CELF2: variants seen among roughly 807,000 people sequenced by gnomAD.
CELF2 encodes CUGBP Elav-like family member 2, also known as CUG triplet repeat RNA-binding protein 2.
CELF2 carries 8 observed loss-of-function variants against 62.6 expected under a neutral mutation model. That is an observed-to-expected ratio of 0.13 (90% CI 0.07 to 0.23). The LOEUF (loss-of-function observed/expected upper bound fraction) is 0.23, where lower values mean the gene tolerates loss of function less well. CELF2 is among the 10% of genes least tolerant of loss of function. The pLI, the probability that CELF2 is intolerant of heterozygous loss-of-function variation, is 1.00. For missense variants in CELF2, 333 were observed against 671.0 expected, an observed-to-expected ratio of 0.50 and a Z score of 5.56; for synonymous variants, 258 against 250.0, an observed-to-expected ratio of 1.03 and a Z score of -0.30.
At chr10:10,719,597 T>C in the CELF2 span, among the ~76,000 whole-genome samples, 72 of 152,174 alleles carry the variant, frequency 4.7e-4, no homozygotes, top group South Asian at 4.1e-4. Flanking sequence ...TGTTGCATGA[T>C]AGCCTAGCCA....
intron 1 of CELF2, among the ~76,000 whole-genome samples, chr10:11,035,860 T>G (rs2060862888): frequency 6.6e-6 from 1 of 152,228 alleles, no homozygotes; most frequent in Non-Finnish European, 1.5e-5. Flanking sequence ...AGAGGCAGGC[T>G]AAAGACTGCT....
At chr10:10,970,453 C>T (rs892541731) in intron 2 of CELF2, among the ~76,000 whole-genome samples, 3 of 152,168 alleles carry the variant, frequency 2.0e-5, no homozygotes, top group Non-Finnish European at 2.9e-5. Context: ...GTTGATGCAG[C>T]CTGCTTAGAA....
intron 2 of CELF2, chr10:11,169,110 T>C (rs1421435926): frequency 6.6e-6 from 1 of 152,210 alleles, no homozygotes; most frequent in African/African-American, 2.4e-5. Context: ...GCAGTCCTTG[T>C]AGTGTTGCTG....
chr10:10,876,603 G>A (rs2061111062), intron 1 of CELF2, among the ~76,000 whole-genome samples: 1 of 152,122 alleles, frequency 6.6e-6, no homozygotes, highest in Non-Finnish European at 1.5e-5. Context: ...GATGGCTCTG[G>A]TTTTTTGATG....
At chr10:10,538,279 T>C in the CELF2 span, among the ~76,000 whole-genome samples, 116 of 152,258 alleles carry the variant, frequency 7.6e-4, 1 homozygote, top group East Asian at 0.018. Flanking sequence ...TCTGCCAGCA[T>C]CTGCCATTGG....
rs551131027 is a variant in CELF2, at chr10:10,934,184, A to G, written c.89+14185A>G. 2.0e-5 allele frequency among the ~76,000 whole-genome samples: 3 copies of G among 152,280 alleles called. No homozygotes were observed. Among genetic ancestry groups the G allele is most frequent in the East Asian group, 3.9e-4 (2 of 5,192 alleles). On this transcript the variant is annotated intron_variant, in intron 2 of 13. Transcript: ENST00000636488. The surrounding 1 kb of genome is among the most constrained non-coding windows in gnomAD (Gnocchi z 4.4). ...TTGTGATTTGCTTTGTTTTGTTTTCAATACCAGTAGGGGCATTGGAACAGG... is the reference window on the plus strand; with the variant it reads ...TTGTGATTTGCTTTGTTTTGTTTTCGATACCAGTAGGGGCATTGGAACAGG...
intron 1 of CELF2, among the ~76,000 whole-genome samples, chr10:10,838,354 C>T (rs2058446989): frequency 6.6e-6 from 1 of 152,094 alleles, no homozygotes; most frequent in Admixed American, 6.5e-5. Context: ...TGGTGTTGAT[C>T]GCATTTCTCC....
intron 1 of CELF2, among the ~76,000 whole-genome samples, chr10:11,100,501 T>C (rs977513562): frequency 5.3e-5 from 8 of 151,694 alleles, no homozygotes; most frequent in African/African-American, 1.9e-4. Flanking sequence ...CTAATAAATA[T>C]GAATGGAACT....
At chr10:10,749,420 G>A in the CELF2 span, among the ~76,000 whole-genome samples, 2 of 152,210 alleles carry the variant, frequency 1.3e-5, no homozygotes, top group Non-Finnish European at 2.9e-5. Context: ...CATCAAAATT[G>A]TGGATTAAAT....
At chr10:10,614,093 G>A in the CELF2 span, among the ~76,000 whole-genome samples, 1 of 151,538 alleles carries the variant, frequency 6.6e-6, no homozygotes, top group Admixed American at 6.6e-5. Flanking sequence ...ATGAGAGTGG[G>A]CAGTAACCCA....
the CELF2 span, chr10:10,776,210 G>A: frequency 0.075 from 11,454 of 153,278 alleles, 480 homozygotes; most frequent in African/African-American, 0.092. Context: ...AGTTTCAAAC[G>A]TTTCACTGCT....
intron 1 of CELF2, among the ~76,000 whole-genome samples, chr10:11,076,907 A>G (rs936871336): frequency 6.6e-6 from 1 of 152,200 alleles, no homozygotes; most frequent in Admixed American, 6.5e-5. Flanking sequence ...TATTGATAAC[A>G]TGTAGCTTTT....
At chr10:11,057,491 A>G (rs1017201540) in intron 1 of CELF2, among the ~76,000 whole-genome samples, 5 of 152,268 alleles carry the variant, frequency 3.3e-5, no homozygotes, top group African/African-American at 1.2e-4. Flanking sequence ...GATATAAACA[A>G]CTACTCACCA....
At chr10:11,132,110 G>A (rs1276797765) in intron 1 of CELF2, among the ~76,000 whole-genome samples, 2 of 152,204 alleles carry the variant, frequency 1.3e-5, no homozygotes, top group African/African-American at 4.8e-5. Flanking sequence ...GTTATCCACT[G>A]GCATCACCCA....
chr10:11,035,282 A>T (rs1244610364), intron 1 of CELF2, among the ~76,000 whole-genome samples: 2 of 152,202 alleles, frequency 1.3e-5, no homozygotes, highest in East Asian at 3.8e-4. Flanking sequence ...AAAATTTAAT[A>T]CAAGTTTATT....
chr10:10,560,263 C>T, the CELF2 span, among the ~76,000 whole-genome samples: 1 of 152,156 alleles, frequency 6.6e-6, no homozygotes, highest in African/African-American at 2.4e-5. Flanking sequence ...TACAGGTAAG[C>T]ATAGATCAAA....
Position 11,331,604 on chromosome 10 carries a change from TAAAAAAAAAAACA to T in CELF2, c.*2555_*2567del, listed in dbSNP as rs2089882244. 1 of 146,120 alleles carries T rather than the reference TAAAAAAAAAAACA, an allele frequency of 6.8e-6. No homozygotes were observed. Among genetic ancestry groups the T allele is most frequent in the Non-Finnish European group, 1.5e-5 (1 of 65,974 alleles). 9.1% of individuals were successfully genotyped at this position (146,120 alleles called of 1,614,324 possible). ...GTGTTTTGTATAAATCCCTAATATT[TAAAAAAAAAAACA>T]AAACAAAAAAAGGTTACAAAGTTTG... On this transcript the variant is annotated 3_prime_UTR_variant, in exon 13 of 13. Transcript: ENST00000633077.
the CELF2 span, among the ~76,000 whole-genome samples, chr10:10,680,474 G>C: frequency 6.6e-6 from 1 of 152,170 alleles, no homozygotes; most frequent in Non-Finnish European, 1.5e-5. Flanking sequence ...CTGGAGTTTT[G>C]CAGACAGTGC....
At chr10:10,731,381 G>A in the CELF2 span, among the ~76,000 whole-genome samples, 1 of 152,024 alleles carries the variant, frequency 6.6e-6, no homozygotes, top group Non-Finnish European at 1.5e-5. Flanking sequence ...TTGTTTTCTT[G>A]AATTTCCATG....
Sources: gnomAD v4.1 joint callset for allele counts (sites outside exome capture counted in the v4.1 genomes callset) on GRCh38, gnomAD v4.1.1 for gene constraint, Gnocchi (gnomAD v3.1) non-coding constraint, MANE v1.5 for transcripts, NCBI Gene and HGNC (gene_info 2026-07-23, HGNC 2026-07-21) for gene names.